The following IL6ST variants were observed in gnomAD, a reference collection of about 807,000 sequenced individuals.
IL6ST encodes interleukin-6 receptor subunit beta.
IL6ST carries 24 observed loss-of-function variants against 91.3 expected under a neutral mutation model. That is an observed-to-expected ratio of 0.26 (90% CI 0.19 to 0.37). The LOEUF is 0.37. Among genes scored for constraint, IL6ST ranks in the 10% least tolerant of loss-of-function variants. The pLI is 1.00. For synonymous variants in IL6ST, 351 were observed against 373.6 expected (o/e 0.94, Z 0.70); for missense variants, 914 against 1,078.5 (o/e 0.85, Z 2.14).
chr5:55,954,982 A>T lies in IL6ST; in HGVS notation c.1278T>A (p.Pro426=), dbSNP rs1268958523. ...IPACDFQATH[P]VMDLKAFPKD... Reference sequence around the variant, plus strand: ...TGGGGAATGCTTTAAGATCCATTACAGGGTGAGTAGCTTTAAAACAAAGTT... The same window carrying T: ...TGGGGAATGCTTTAAGATCCATTACTGGGTGAGTAGCTTTAAAACAAAGTT... The change falls in exon 11 of 17, where the codon CCT becomes CCA. Residue 426 remains proline, a synonymous_variant. Transcript: ENST00000381298. 1 of 1,594,098 alleles carries T rather than the reference A, an allele frequency of 6.3e-7. No homozygotes were observed. The highest frequency in any genetic ancestry group is 1.2e-5 in the South Asian group (1 of 86,076).
chr5:55,935,126 T>C lies in IL6ST; in HGVS notation c.*5956A>G, dbSNP rs1388130653. ...TTTTTTTTTGGCTTTTATTTTTGTG[T>C]GTGTGGATTACCACCATATAGCTCA... On this transcript the variant is annotated 3_prime_UTR_variant, in exon 17 of 17. Coordinates refer to ENST00000381298, the MANE Select transcript of IL6ST (RefSeq NM_002184.4). 2.3e-5 allele frequency: 4 copies of C among 176,838 alleles called. No homozygotes were observed. Among genetic ancestry groups the C allele is most frequent in the Non-Finnish European group, 4.9e-5 (4 of 82,190 alleles). The allele number at this position is 176,838 out of a possible 1,614,324, so 11.0% of individuals were successfully genotyped here.
rs139103669 is a variant in IL6ST, at chr5:55,956,109, G to A, written c.1183C>T (p.Arg395Cys). 16 of 1,612,332 alleles carry A rather than the reference G, an allele frequency of 9.9e-6. No homozygotes were observed. Among genetic ancestry groups the A allele is most frequent in the Middle Eastern group, 3.3e-4 (2 of 6,080 alleles). The change falls in exon 10 of 17, where the codon CGC becomes TGC. Residue 395 changes from arginine to cysteine, a missense_variant. Transcript: ENST00000381298. ...CTTACTGTTAGGGTTGCTAGATAGC[G>A]ATCATTTGTGAGATTTACTGTCAGT... ...TKLTVNLTNDRYLATLTVRNL... is the reference protein window; with the variant it reads ...TKLTVNLTNDCYLATLTVRNL...
At chr5:55,964,379 T>G in intron 5 of IL6ST, 67 bp from the exon 6 acceptor site, 1 of 1,178,392 alleles carries the variant, frequency 8.5e-7, no homozygotes, top group Non-Finnish European at 1.2e-6. Flanking sequence ...TGAAAAAAAT[T>G]ACTTGCAAAG....
At position 55,994,805 on chromosome 5, in the gene IL6ST, C is replaced by G. The variant is rs1223968009; in HGVS notation, c.-125G>C. The G allele has an allele frequency of 6.5e-6, 1 of 152,676 alleles. No homozygotes were observed. The highest frequency in any genetic ancestry group is 1.5e-5 in the Non-Finnish European group (1 of 68,438). The allele number at this position is 152,676 out of a possible 1,614,324, so 9.5% of individuals were successfully genotyped here. A position where few individuals can be genotyped will look rare whatever the true frequency, so the allele number is the denominator to read the frequency against. On this transcript the variant is annotated 5_prime_UTR_variant, in exon 1 of 17. Transcript: ENST00000381298. ...TCACCTCAGGCCGCGCCGCCTCGAC[C>G]CTCCGCGTCTCCACAGCGCACGAAC...
chr5:55,961,584 C>T (rs1045778469), intron 7 of IL6ST, among the ~76,000 whole-genome samples: 1 of 151,968 alleles, frequency 6.6e-6, no homozygotes, highest in African/African-American at 2.4e-5. Flanking sequence ...ATGGTGAAAC[C>T]CCATCTCTAC....
In IL6ST at chr5:55,942,067, G is replaced by C. The variant is rs546634978; in HGVS notation, c.2020-248C>G. ...TATTTAATATTTCATGCCTAGACTA[G>C]GCAGCCTAGGATTAACTGGACAGAA... On this transcript the variant is annotated intron_variant, in intron 16 of 16. Coordinates refer to ENST00000381298, the MANE Select transcript of IL6ST (RefSeq NM_002184.4). 3.9e-5 allele frequency among the ~76,000 whole-genome samples: 6 copies of C among 152,216 alleles called. No individual in the cohort carries two copies. In the South Asian group the frequency reaches 1.0e-3, roughly 26 times the overall value.
intron 2 of IL6ST, 70 bp downstream of exon 2, chr5:55,982,653 AG>A (rs1202306703): frequency 2.5e-6 from 1 of 396,908 alleles, no homozygotes; most frequent in Admixed American, 4.4e-5. Context: ...TCAGGTGAGT[AG>A]GGCAGGGATT....
Position 55,941,746 on chromosome 5 carries a change from G to A in IL6ST, c.2093C>T (p.Ala698Val). The stretch of plus-strand genomic sequence containing the variant: ...TTCTGGAAAAGGCTTTTTGTCATTT[G>A]CTTCTATTTCCACAACACTTACATC... ...FTDVSVVEIEANDKKPFPEDL... is the reference protein window; with the variant it reads ...FTDVSVVEIEVNDKKPFPEDL... The change falls in exon 17 of 17, where the codon GCA becomes GTA. Residue 698 changes from alanine (A) to valine (V), a missense_variant. Ala to Val is a moderately conservative substitution (Grantham distance 64). Transcript: ENST00000381298. 6.2e-7 allele frequency: 1 copy of A among 1,613,808 alleles called. No homozygotes were observed. Among genetic ancestry groups the A allele is most frequent in the East Asian group, 2.2e-5 (1 of 44,890 alleles).
At chr5:55,972,935 G>A (rs1417768335) in intron 3 of IL6ST, among the ~76,000 whole-genome samples, 1 of 151,482 alleles carries the variant, frequency 6.6e-6, no homozygotes, top group Non-Finnish European at 1.5e-5. Flanking sequence ...AACCTGGGGG[G>A]CAGAGGTTGC....
intron 15 of IL6ST, among the ~76,000 whole-genome samples, chr5:55,945,077 A>G (rs1012418663): frequency 2.0e-5 from 3 of 151,064 alleles, no homozygotes; most frequent in African/African-American, 7.3e-5. Flanking sequence ...GTTCTCTCCT[A>G]TAGATTCAAT....
At chr5:55,972,862 G>A (rs6863304) in intron 3 of IL6ST, among the ~76,000 whole-genome samples, 5,213 of 151,882 alleles carry the variant, frequency 0.034, 174 homozygotes, top group African/African-American at 0.088. Context: ...AAAATTACCC[G>A]GGCGTGGTGA....
chr5:55,946,134 C>G (rs1751235962), intron 15 of IL6ST, among the ~76,000 whole-genome samples: 2 of 152,092 alleles, frequency 1.3e-5, no homozygotes, highest in Non-Finnish European at 2.9e-5. Context: ...GTAAGTGACA[C>G]ATGAAAAGAT....
At chr5:55,977,562 A>G (rs533693579) in intron 2 of IL6ST, among the ~76,000 whole-genome samples, 2 of 152,172 alleles carry the variant, frequency 1.3e-5, no homozygotes, top group Middle Eastern at 3.4e-3. Flanking sequence ...GCGATGGCTC[A>G]CGCCTGTAAT....
At chr5:55,993,853 T>G (rs1754477873) in intron 1 of IL6ST, among the ~76,000 whole-genome samples, 1 of 152,178 alleles carries the variant, frequency 6.6e-6, no homozygotes, top group Non-Finnish European at 1.5e-5. Context: ...AGTCCGTAAT[T>G]TCAAATTAAG....
intron 1 of IL6ST, among the ~76,000 whole-genome samples, chr5:55,984,824 T>C (rs1056826479): frequency 2.0e-5 from 3 of 152,212 alleles, no homozygotes; most frequent in Non-Finnish European, 4.4e-5. Flanking sequence ...ATACTTCTGT[T>C]ACTAAGTATT....
At position 55,941,517 on chromosome 5, in the gene IL6ST, G is replaced by C; in HGVS notation, c.2322C>G (p.Val774=). ...TAGACTCGGATCTTGAGAAGACTTG[G>C]ACTGACGGAACTTGGTGTCTGTAGC... ...HSGYRHQVPS[V]QVFSRSESTQ... Residue 774 remains valine (V), a synonymous_variant, in exon 17 of 17, where the codon GTC becomes GTG. Transcript: ENST00000381298. 6.2e-7 allele frequency: 1 copy of C among 1,614,098 alleles called. No individual in the cohort carries two copies. The highest frequency in any genetic ancestry group is 8.5e-7 in the Non-Finnish European group (1 of 1,179,994).
At chr5:55,990,099 G>C (rs1754225843) in intron 1 of IL6ST, among the ~76,000 whole-genome samples, 1 of 152,140 alleles carries the variant, frequency 6.6e-6, no homozygotes, top group Admixed American at 6.5e-5. Context: ...AAATGTAACA[G>C]GGCAACAGAT....
chr5:55,974,418 C>T (rs533728509), intron 3 of IL6ST, among the ~76,000 whole-genome samples: 4 of 152,174 alleles, frequency 2.6e-5, no homozygotes, highest in South Asian at 4.1e-4. Flanking sequence ...CTTTGCCTCC[C>T]GGGTTCAAGT....
intron 1 of IL6ST, among the ~76,000 whole-genome samples, chr5:55,985,370 A>G (rs1372374906): frequency 6.6e-6 from 1 of 151,982 alleles, no homozygotes; most frequent in Non-Finnish European, 1.5e-5. Flanking sequence ...TTTAAAAATT[A>G]GCCGGGTGTG....
Sources: gnomAD v4.1 joint callset for allele counts (sites outside exome capture counted in the v4.1 genomes callset) on GRCh38, gnomAD v4.1.1 for gene constraint, MANE v1.5 for transcripts, NCBI Gene and HGNC (gene_info 2026-07-23, HGNC 2026-07-21) for gene names.